The following MCC variants were observed in gnomAD, a reference collection of about 807,000 sequenced individuals.
MCC encodes colorectal mutant cancer protein.
A neutral mutation model predicts 116.2 loss-of-function variants in MCC; 90 were observed. That is an observed-to-expected ratio of 0.77 (90% confidence interval 0.65 to 0.92). The LOEUF is 0.92. Ranked by LOEUF, MCC falls within the 40% of genes least tolerant of loss-of-function variation. The pLI is 0.00. For missense variants in MCC, 1,516 were observed against 1,312.2 expected (o/e 1.16, Z -2.40); for synonymous variants, 578 against 510.5 (o/e 1.13, Z -1.78).
chr5:113,159,515 C>G (rs1244802668), intron 3 of MCC, among the ~76,000 whole-genome samples: 2 of 152,188 alleles, frequency 1.3e-5, no homozygotes, highest in East Asian at 3.9e-4. Flanking sequence ...ATTCAGATTT[C>G]CTGGTTCCCT....
At chr5:113,049,819 G>A (rs1011902256) in intron 15 of MCC, among the ~76,000 whole-genome samples, 6 of 152,180 alleles carry the variant, frequency 3.9e-5, no homozygotes, top group Admixed American at 6.5e-5. Context: ...GGCATGCGGC[G>A]AATGCCTGCA....
intron 2 of MCC, among the ~76,000 whole-genome samples, chr5:113,374,195 G>A (rs1218275334): frequency 6.7e-6 from 1 of 148,262 alleles, no homozygotes; most frequent in East Asian, 1.9e-4. Flanking sequence ...CCCAGCCTGG[G>A]GCTTCTACTT....
At chr5:113,262,879 C>T (rs1304370068) in intron 3 of MCC, among the ~76,000 whole-genome samples, 2 of 152,016 alleles carry the variant, frequency 1.3e-5, no homozygotes, top group Non-Finnish European at 2.9e-5. Context: ...CCACTGAGAA[C>T]AGGTGCTCTA....
At chr5:113,340,751 G>C (rs997855620) in intron 2 of MCC, 21 bp from the exon 3 acceptor site, 1 of 1,603,626 alleles carries the variant, frequency 6.2e-7, no homozygotes, top group Admixed American at 1.7e-5. Flanking sequence ...GAGAAGCAGA[G>C]AAAATGAAAA....
At chr5:113,453,244 T>C (rs1415335365) in intron 1 of MCC, among the ~76,000 whole-genome samples, 1 of 152,022 alleles carries the variant, frequency 6.6e-6, no homozygotes, top group Non-Finnish European at 1.5e-5. Context: ...AATGCCTAAC[T>C]CATCTAACAC....
At chr5:113,078,914 C>T (rs1222476175) in intron 11 of MCC, among the ~76,000 whole-genome samples, 2 of 152,316 alleles carry the variant, frequency 1.3e-5, no homozygotes, top group Non-Finnish European at 2.9e-5. Flanking sequence ...AAATCCCCAT[C>T]ACCTCAGCCC....
chr5:113,437,574 T>C (rs903021881), intron 1 of MCC, among the ~76,000 whole-genome samples: 2 of 152,206 alleles, frequency 1.3e-5, no homozygotes, highest in African/African-American at 4.8e-5. Context: ...GGGCAACAGA[T>C]GATACACATA....
At chr5:113,217,104 T>C (rs1041647121) in intron 3 of MCC, among the ~76,000 whole-genome samples, 1 of 152,228 alleles carries the variant, frequency 6.6e-6, no homozygotes, top group African/African-American at 2.4e-5. Context: ...GCAGGAGCCC[T>C]GATTCAGGTG....
chr5:113,488,154 G>C, intron 1 of MCC, 91 bp downstream of exon 1: 3 of 1,309,654 alleles, frequency 2.3e-6, no homozygotes, highest in Middle Eastern at 2.0e-4. Context: ...GCAACTTGCC[G>C]CAAGTTGGGG....
intron 17 of MCC, among the ~76,000 whole-genome samples, chr5:113,034,787 G>A (rs535591917): frequency 2.6e-4 from 40 of 152,306 alleles, no homozygotes; most frequent in African/African-American, 9.1e-4. Flanking sequence ...CCAGCGGTCT[G>A]GTCCCTTCTG....
intron 1 of MCC, among the ~76,000 whole-genome samples, chr5:113,475,961 C>T (rs1050184125): frequency 6.6e-6 from 1 of 152,116 alleles, no homozygotes; most frequent in African/African-American, 2.4e-5. Flanking sequence ...AATGCATGGT[C>T]TGATTGTAAA....
intron 2 of MCC, among the ~76,000 whole-genome samples, chr5:113,375,983 A>C (rs922278681): frequency 1.3e-5 from 2 of 152,226 alleles, no homozygotes; most frequent in Non-Finnish European, 2.9e-5. Context: ...CAAGTGTCAT[A>C]GCGAAGGCAC....
chr5:113,211,076 T>C (rs1763118164), intron 3 of MCC, among the ~76,000 whole-genome samples: 1 of 152,196 alleles, frequency 6.6e-6, no homozygotes, highest in Non-Finnish European at 1.5e-5. Flanking sequence ...CTCTTCCAAA[T>C]TCATGTTAAA....
At chr5:113,034,063 C>CTTTTTTTT (rs35834150) in intron 17 of MCC, among the ~76,000 whole-genome samples, 2 of 136,296 alleles carry the variant, frequency 1.5e-5, no homozygotes, top group East Asian at 2.1e-4. Context: ...ATTTTTAAAA[C>CTTTTTTTT]TTTTTTTTTT....
chr5:113,065,135 T>C (rs1047461913), intron 13 of MCC, among the ~76,000 whole-genome samples: 4 of 152,164 alleles, frequency 2.6e-5, no homozygotes, highest in Admixed American at 6.5e-5. Context: ...TTGTTATACA[T>C]TGGCCCAAAC....
intron 6 of MCC, among the ~76,000 whole-genome samples, chr5:113,107,098 T>C (rs28513913): frequency 6.6e-6 from 1 of 152,134 alleles, no homozygotes; most frequent in East Asian, 1.9e-4. Context: ...CAACAGAGAA[T>C]AGGGTAGGCG....
rs1376444852 is a variant in MCC, at chr5:113,412,722, G to A, written c.171-27510C>T. Among the ~76,000 whole-genome samples, 8 of 152,172 alleles carry A rather than the reference G, an allele frequency of 5.3e-5. 1 individual carries two copies. Among genetic ancestry groups the A allele is most frequent in the Non-Finnish European group, 1.0e-4 (7 of 68,024 alleles). ...TGCAATCATGTCATCTGTAAACAGG[G>A]ACAATTTGACTTCCTCTTTTCCTAA... On this transcript the variant is annotated intron_variant, in intron 1 of 18. Transcript: ENST00000408903.
At chr5:113,098,703 A>T (rs750253566) in intron 8 of MCC, among the ~76,000 whole-genome samples, 6 of 152,246 alleles carry the variant, frequency 3.9e-5, no homozygotes, top group Non-Finnish European at 8.8e-5. Context: ...AAAGCTCAGA[A>T]GACCTACAGA....
chr5:113,308,511 C>A (rs1265188216), intron 3 of MCC, among the ~76,000 whole-genome samples: 1 of 152,168 alleles, frequency 6.6e-6, no homozygotes, highest in Non-Finnish European at 1.5e-5. Context: ...GACCTTTCCA[C>A]AGTTTAGCAG....
Sources: allele counts gnomAD v4.1 joint callset (sites outside exome capture counted in the v4.1 genomes callset), GRCh38; gene constraint gnomAD v4.1.1; transcripts MANE v1.5; gene names NCBI Gene and HGNC (gene_info 2026-07-23, HGNC 2026-07-21).